Variants in MDGA2 observed in about 807,000 individuals in gnomAD.
MDGA2 encodes the protein MAM domain-containing glycosylphosphatidylinositol anchor protein 2.
Under a neutral mutation model 117.8 loss-of-function variants are expected in MDGA2, and 40 were observed. The observed-to-expected ratio is 0.34, with a 90% CI of 0.26 to 0.44. The LOEUF (loss-of-function observed/expected upper bound fraction) is 0.44, where lower values mean the gene tolerates loss of function less well. Ranked by LOEUF, MDGA2 falls within the 20% of genes least tolerant of loss-of-function variation. MDGA2 has a pLI of 1.00. For synonymous variants in MDGA2, 452 were observed against 439.0 expected (o/e 1.03, Z -0.37); for missense variants, 1,123 against 1,250.6 (o/e 0.90, Z 1.54).
chr14:47,167,900 T>C (rs1002955501), intron 3 of MDGA2, among the ~76,000 whole-genome samples: 6 of 152,160 alleles, frequency 3.9e-5, no homozygotes, highest in African/African-American at 1.4e-4. Context: ...CCCAAGCATA[T>C]AACTTAATTG....
chr14:47,511,169 C>A (rs1283256948), intron 1 of MDGA2, among the ~76,000 whole-genome samples: 1 of 152,102 alleles, frequency 6.6e-6, no homozygotes, highest in Non-Finnish European at 1.5e-5. Context: ...AGGAAGAAGA[C>A]CTTCAGTAAA....
intron 8 of MDGA2, among the ~76,000 whole-genome samples, chr14:47,015,743 G>A (rs1888060908): frequency 6.6e-6 from 1 of 152,030 alleles, no homozygotes; most frequent in Non-Finnish European, 1.5e-5. Flanking sequence ...GTCTGAACTA[G>A]GACTTTGGAA....
intron 8 of MDGA2, among the ~76,000 whole-genome samples, chr14:46,982,734 A>AAAAAAAAAAAAAAAAAAAAAAAAAAT (rs1449356596): frequency 7.7e-6 from 1 of 130,326 alleles, no homozygotes; most frequent in Non-Finnish European, 1.7e-5. Flanking sequence ...AAAAAAAAAA[A>AAAAAAAAAAAAAAAAAAAAAAAAAAT]AATCATGTCA....
intron 1 of MDGA2, among the ~76,000 whole-genome samples, chr14:47,615,446 C>T (rs1896930933): frequency 6.6e-6 from 1 of 151,808 alleles, no homozygotes; most frequent in South Asian, 2.1e-4. Context: ...CTAGCCCAAG[C>T]CCACATACAC....
intron 15 of MDGA2, among the ~76,000 whole-genome samples, chr14:46,847,299 T>A (rs1880879326): frequency 1.3e-5 from 2 of 152,126 alleles, no homozygotes. Context: ...TGGAGTTTCC[T>A]GCTTATCTAT....
intron 11 of MDGA2, among the ~76,000 whole-genome samples, chr14:46,880,442 A>G (rs1166542558): frequency 6.6e-6 from 1 of 152,114 alleles, no homozygotes; most frequent in East Asian, 1.9e-4. Context: ...CTAACACTGA[A>G]TATTAAAATT....
chr14:46,976,001 G>A (rs953887917), intron 8 of MDGA2, among the ~76,000 whole-genome samples: 9 of 152,004 alleles, frequency 5.9e-5, no homozygotes, highest in African/African-American at 2.2e-4. Context: ...CCACGTTGGT[G>A]GTTTATTTTC....
chr14:46,918,887 G>A (rs749270807), intron 10 of MDGA2, among the ~76,000 whole-genome samples: 3 of 149,462 alleles, frequency 2.0e-5, no homozygotes. Flanking sequence ...TCAGCCTCCC[G>A]AGTAGCTGGG....
At chr14:47,597,153 T>C (rs1193437987) in intron 1 of MDGA2, among the ~76,000 whole-genome samples, 1 of 152,188 alleles carries the variant, frequency 6.6e-6, no homozygotes, top group African/African-American at 2.4e-5. Context: ...ACTCTGGTCA[T>C]GAAAATTTCC....
intron 1 of MDGA2, among the ~76,000 whole-genome samples, chr14:47,513,605 T>C (rs576661202): frequency 6.6e-6 from 1 of 152,192 alleles, no homozygotes; most frequent in African/African-American, 2.4e-5. Context: ...TAAATAAGCA[T>C]TTCACCAGTA....
intron 10 of MDGA2, among the ~76,000 whole-genome samples, chr14:46,890,730 A>G (rs1288994854): frequency 6.6e-6 from 1 of 152,144 alleles, no homozygotes; most frequent in East Asian, 1.9e-4. Flanking sequence ...CCTTGCAAGT[A>G]TACTTCAAGG....
At chr14:47,246,905 C>T (rs1030250886) in intron 2 of MDGA2, among the ~76,000 whole-genome samples, 1 of 150,996 alleles carries the variant, frequency 6.6e-6, no homozygotes, top group Non-Finnish European at 1.5e-5. Context: ...GGCTGCAGTC[C>T]TTGGTTTGGA....
At chr14:47,181,619 T>A (rs1210954559) in intron 3 of MDGA2, among the ~76,000 whole-genome samples, 1 of 152,254 alleles carries the variant, frequency 6.6e-6, no homozygotes, top group African/African-American at 2.4e-5. Context: ...AAGGGTTTAC[T>A]ACTTCTCACT....
At chr14:47,433,263 T>C (rs921135487) in intron 1 of MDGA2, among the ~76,000 whole-genome samples, 1 of 152,058 alleles carries the variant, frequency 6.6e-6, no homozygotes, top group Non-Finnish European at 1.5e-5. Flanking sequence ...GTTGTCCTTC[T>C]GGGAAACAGA....
chr14:47,645,774 T>C (rs915901343), intron 1 of MDGA2, among the ~76,000 whole-genome samples: 1 of 151,570 alleles, frequency 6.6e-6, no homozygotes, highest in Non-Finnish European at 1.5e-5. Flanking sequence ...CACCCAATAT[T>C]AAAGATGAAG....
chr14:47,591,889 C>T (rs1896446784), intron 1 of MDGA2, among the ~76,000 whole-genome samples: 1 of 152,236 alleles, frequency 6.6e-6, no homozygotes, highest in Admixed American at 6.6e-5. Flanking sequence ...AAGATGCCCT[C>T]TCTCACTCCT....
chr14:47,675,462 G>A lies in MDGA2; in HGVS notation c.-666C>T, dbSNP rs1450751551. Among the ~76,000 whole-genome samples, 1 of 151,992 alleles carries A rather than the reference G, an allele frequency of 6.6e-6. No individual in the cohort carries two copies. The highest frequency in any genetic ancestry group is 1.5e-5 in the Non-Finnish European group (1 of 67,992). ...GGAGTGTGCGTCTGGAGCTCGCTTG[G>A]GCACACCAGCCCAGCCGCCACCGCC... On this transcript the variant is annotated 5_prime_UTR_variant, in exon 1 of 17. Coordinates refer to ENST00000399232, the MANE Select transcript of MDGA2 (RefSeq NM_001113498.3).
At chr14:47,301,355 T>G (rs1249383326) in intron 2 of MDGA2, 56 bp downstream of exon 2, 1 of 1,538,076 alleles carries the variant, frequency 6.5e-7, no homozygotes, top group East Asian at 2.5e-5. Context: ...ATACACTTTT[T>G]GACTTCTGAG....
At chr14:46,945,708 C>T (rs575453671) in intron 9 of MDGA2, among the ~76,000 whole-genome samples, 13 of 152,170 alleles carry the variant, frequency 8.5e-5, no homozygotes, top group African/African-American at 3.1e-4. Flanking sequence ...ACAGCAAATT[C>T]CCCCAAATGG....
Sources: gnomAD v4.1 joint callset for allele counts (sites outside exome capture counted in the v4.1 genomes callset) on GRCh38, gnomAD v4.1.1 for gene constraint, MANE v1.5 for transcripts, NCBI Gene and HGNC (gene_info 2026-07-23, HGNC 2026-07-21) for gene names.